NAF1: variants seen among roughly 807,000 people sequenced by gnomAD.
NAF1 encodes the protein nuclear assembly factor 1 ribonucleoprotein.
In NAF1, 11 loss-of-function variants were observed where a neutral mutation model predicts 40.6. That is an observed-to-expected ratio of 0.27 (90% CI 0.17 to 0.45). NAF1 has a LOEUF of 0.45. NAF1 is among the 20% of genes least tolerant of loss of function. The pLI is 1.00. For synonymous variants in NAF1, 260 were observed against 228.5 expected, an observed-to-expected ratio of 1.14 and a Z score of -1.24; for missense variants, 607 against 611.1, an observed-to-expected ratio of 0.99 and a Z score of 0.07.
At chr4:163,126,893 T>C (rs995226483), downstream of NAF1, 27 of 1,458,086 alleles carry the variant, frequency 1.9e-5, no homozygotes, top group Admixed American at 4.0e-4. Flanking sequence ...TGTAACTCAC[T>C]GCAGGCTCAA....
rs2110873500 is a variant in NAF1 at position 163,129,234 on chromosome 4, G to A, written c.1148C>T (p.Pro383Leu). The change falls in exon 8 of 8, where the codon CCT becomes CTT. Residue 383 changes from proline (P) to leucine (L), a missense_variant. Around this residue, in one of 3 missense-constraint regions of NAF1, gnomAD observed 189 missense variants for 216.6 expected, o/e 0.87. Transcript: ENST00000274054. ...FTRGFSRARY[P>L]RSCHGRPPPQ... ...TGGAGGCCTGCCATGGCAAGATCGA[G>A]GGTATCTGGCCCTGGAAAATCCTCG... 3 of 1,613,880 alleles carry A rather than the reference G, an allele frequency of 1.9e-6. 1 individual carries two copies. Among genetic ancestry groups the A allele is most frequent in the South Asian group, 2.2e-5 (2 of 91,070 alleles).
chr4:163,123,569 A>T (rs1445072747), downstream of NAF1, among the ~76,000 whole-genome samples: 1 of 152,068 alleles, frequency 6.6e-6, no homozygotes, highest in Admixed American at 6.6e-5. Flanking sequence ...TTTTGTAGAC[A>T]AGGTTTCACC....
chr4:163,155,072 T>C (rs562792649), intron 2 of NAF1, among the ~76,000 whole-genome samples: 6 of 152,300 alleles, frequency 3.9e-5, no homozygotes, highest in Admixed American at 3.9e-4. Context: ...TTGGCAGCCA[T>C]GTCAGACAAG....
In NAF1 at chr4:163,129,049, G is replaced by A; in HGVS notation, c.1333C>T (p.Pro445Ser). Reference protein sequence around the residue: ...PLRPPPPPPPPPVNMGWATPN... With the variant: ...PLRPPPPPPPSPVNMGWATPN... ...GTAGCCCAACCCATGTTTACAGGTG[G>A]GGGTGGTGGTGGGGGTGGAGGGCGG... Residue 445 changes from proline (P) to serine (S), a missense_variant, in exon 8 of 8, where the codon CCA (proline) becomes TCA (serine). Around this residue, in one of 3 missense-constraint regions of NAF1, gnomAD observed 189 missense variants for 216.6 expected, o/e 0.87. Coordinates refer to ENST00000274054, the MANE Select transcript of NAF1 (RefSeq NM_138386.3). The A allele has an allele frequency of 6.5e-7, 1 of 1,541,008 alleles. No homozygotes were observed. The highest frequency in any genetic ancestry group is 8.8e-7 in the Non-Finnish European group (1 of 1,140,602).
At chr4:163,134,621 TAA>T (rs976389748) in intron 6 of NAF1, among the ~76,000 whole-genome samples, 1 of 151,926 alleles carries the variant, frequency 6.6e-6, no homozygotes, top group Non-Finnish European at 1.5e-5. Context: ...TAGTGCTGGA[TAA>T]AGAGAAAAAA....
chr4:163,131,314 G>T (rs560333225), intron 7 of NAF1, among the ~76,000 whole-genome samples: 1 of 152,082 alleles, frequency 6.6e-6, no homozygotes, highest in African/African-American at 2.4e-5. Flanking sequence ...AAAGAAAAAA[G>T]CTCAGAAGTT....
intron 2 of NAF1, among the ~76,000 whole-genome samples, chr4:163,152,845 G>C (rs1273971635): frequency 1.3e-5 from 2 of 152,250 alleles, no homozygotes; most frequent in Non-Finnish European, 2.9e-5. Context: ...GAGGTGTGGA[G>C]GGAGAGGCGC....
At chr4:163,166,315 G>A (rs778676460) in intron 1 of NAF1, 48 bp downstream of exon 1, 2 of 1,516,680 alleles carry the variant, frequency 1.3e-6, no homozygotes, top group Non-Finnish European at 1.8e-6. Flanking sequence ...ACCCCCGCCC[G>A]TCATACAAGA....
chr4:163,122,063 A>C (rs1026728051), downstream of NAF1, among the ~76,000 whole-genome samples: 6 of 152,218 alleles, frequency 3.9e-5, no homozygotes, highest in African/African-American at 1.2e-4. Flanking sequence ...CCAAATGCCA[A>C]ACATTATCGT....
intron 1 of NAF1, 78 bp downstream of exon 1, chr4:163,166,285 T>C: frequency 2.0e-6 from 3 of 1,491,622 alleles, no homozygotes; most frequent in Non-Finnish European, 1.8e-6. Context: ...AAGCAACCTC[T>C]AGGCTCCTAG....
intron 2 of NAF1, among the ~76,000 whole-genome samples, chr4:163,112,820 G>A (rs28526178): frequency 0.26 from 39,761 of 152,124 alleles, 5,590 homozygotes; most frequent in African/African-American, 0.37. Context: ...TGAAATCAGG[G>A]AACAGAAGGC....
intron 2 of NAF1, among the ~76,000 whole-genome samples, chr4:163,161,607 C>T (rs925926352): frequency 5.3e-5 from 8 of 152,166 alleles, no homozygotes; most frequent in African/African-American, 1.4e-4. Flanking sequence ...GACTAGCCTT[C>T]ACAGCTGCCT....
At chr4:163,140,422 A>G (rs1388114100) in intron 4 of NAF1, 39 bp from the exon 5 acceptor site, 4 of 1,532,098 alleles carry the variant, frequency 2.6e-6, no homozygotes, top group African/African-American at 2.8e-5. Flanking sequence ...AACATGTAAA[A>G]TAACTATTTG....
rs939865920 is a variant in NAF1, at chr4:163,140,479, G to A, written c.718-96C>T. On this transcript the variant is annotated intron_variant, in intron 4 of 7. Coordinates refer to ENST00000274054, the MANE Select transcript of NAF1 (RefSeq NM_138386.3). ...TTAAAAATCCCACTGATAATTGCCA[G>A]AACAAGGTAATTTTGTCAGTGTTAG... The A allele has an allele frequency of 4.7e-6, 5 of 1,073,722 alleles. No homozygotes were observed. In the African/African-American group the frequency reaches 4.9e-5, roughly 10 times the overall value. 66.5% of individuals were successfully genotyped at this position (1,073,722 alleles called of 1,614,324 possible).
At chr4:163,118,860 C>T (rs1730432033) in intron 2 of NAF1, among the ~76,000 whole-genome samples, 1 of 152,176 alleles carries the variant, frequency 6.6e-6, no homozygotes, top group Admixed American at 6.5e-5. Flanking sequence ...TCCAGTCCAG[C>T]CAGCTATGTG....
At chr4:163,158,039 A>C (rs1732059770) in intron 2 of NAF1, among the ~76,000 whole-genome samples, 1 of 152,162 alleles carries the variant, frequency 6.6e-6, no homozygotes, top group Non-Finnish European at 1.5e-5. Flanking sequence ...TAGGATTTTC[A>C]CTCACAAATA....
chr4:163,141,852 T>C, intron 4 of NAF1: 1 of 664,434 alleles, frequency 1.5e-6, no homozygotes. Flanking sequence ...TTTTTGATAG[T>C]AAATGCTCTT....
At chr4:163,150,009 T>A (rs1731633136) in intron 2 of NAF1, among the ~76,000 whole-genome samples, 2 of 152,094 alleles carry the variant, frequency 1.3e-5, no homozygotes, top group African/African-American at 2.4e-5. Flanking sequence ...AGTACAGTGA[T>A]AAAATCTGTC....
At chr4:163,148,153 TATAA>T (rs1392875240) in intron 3 of NAF1, among the ~76,000 whole-genome samples, 184 bp downstream of exon 3, 2 of 152,188 alleles carry the variant, frequency 1.3e-5, no homozygotes, top group African/African-American at 2.4e-5. Flanking sequence ...TTTAAATTTC[TATAA>T]ATAAACTGTA....
Sources: allele counts gnomAD v4.1 joint callset (sites outside exome capture counted in the v4.1 genomes callset), GRCh38; gene constraint gnomAD v4.1.1; regional missense constraint gnomAD v4.1.1; transcripts MANE v1.5; gene names NCBI Gene and HGNC (gene_info 2026-07-23, HGNC 2026-07-21).